Variants in BTBD9 observed in about 807,000 individuals in gnomAD.
BTBD9 encodes BTB/POZ domain-containing protein 9.
Under a neutral mutation model 64.3 loss-of-function variants are expected in BTBD9, and 49 were observed. That is an observed-to-expected ratio of 0.76 (90% CI 0.61 to 0.97). The LOEUF (loss-of-function observed/expected upper bound fraction) is 0.97. Ranked by LOEUF, BTBD9 falls within the 50% of genes least tolerant of loss-of-function variation. The pLI is 0.00. For synonymous variants in BTBD9, 260 were observed against 274.7 expected, an observed-to-expected ratio of 0.95 and a Z score of 0.53; for missense variants, 598 against 762.1, an observed-to-expected ratio of 0.78 and a Z score of 2.53.
chr6:38,170,610 C>G lies in BTBD9; in HGVS notation c.*4375G>C, dbSNP rs921787883. Reference sequence around the variant, plus strand: ...GTCAGCGAGAGAGATGGGGGCATTCCAGTTGTCCTGCATGCCATTTAAACC... The same window carrying G: ...GTCAGCGAGAGAGATGGGGGCATTCGAGTTGTCCTGCATGCCATTTAAACC... On this transcript the variant is annotated 3_prime_UTR_variant, in exon 11 of 11. Coordinates refer to ENST00000481247, the MANE Select transcript of BTBD9 (RefSeq NM_001099272.2). 6.6e-6 allele frequency: 1 copy of G among 152,252 alleles called. No homozygotes were observed. Among genetic ancestry groups the G allele is most frequent in the Non-Finnish European group, 1.5e-5 (1 of 68,054 alleles). 9.4% of individuals were successfully genotyped at this position (152,252 alleles called of 1,614,324 possible). A position where few individuals can be genotyped will look rare whatever the true frequency, so the allele number is the denominator to read the frequency against.
At chr6:38,265,500 CTTTTTTT>C (rs369951977) in intron 8 of BTBD9, among the ~76,000 whole-genome samples, 11,445 of 133,924 alleles carry the variant, frequency 0.085, 492 homozygotes, top group African/African-American at 0.12. Context: ...AACTACCAAT[CTTTTTTT>C]TTTTTTTTTT....
intron 7 of BTBD9, among the ~76,000 whole-genome samples, chr6:38,305,003 T>TA (rs1762575129): frequency 6.6e-6 from 1 of 151,982 alleles, no homozygotes; most frequent in Non-Finnish European, 1.5e-5. Flanking sequence ...TGCAGCTGTA[T>TA]TCCCACCGCC....
chr6:38,199,002 G>A (rs1460225123), intron 9 of BTBD9, among the ~76,000 whole-genome samples: 1 of 152,132 alleles, frequency 6.6e-6, no homozygotes, highest in South Asian at 2.1e-4. Context: ...AGGTGTGCAG[G>A]GGGCTGAACC....
chr6:38,288,100 C>T (rs1171844988), intron 8 of BTBD9, among the ~76,000 whole-genome samples, 172 bp downstream of exon 8: 4 of 152,132 alleles, frequency 2.6e-5, no homozygotes, highest in African/African-American at 9.7e-5. Context: ...CAAACAAGCA[C>T]GCTATATCTC....
Position 38,184,593 on chromosome 6 carries a change from G to A in BTBD9, c.1641+7926C>T, listed in dbSNP as rs1174172859. Among the ~76,000 whole-genome samples, 7 of 152,080 alleles carry A rather than the reference G, an allele frequency of 4.6e-5. No individual in the cohort carries two copies. The highest frequency in any genetic ancestry group is 1.0e-4 in the Non-Finnish European group (7 of 68,004). On this transcript the variant is annotated intron_variant, in intron 10 of 10. Coordinates refer to ENST00000481247, the MANE Select transcript of BTBD9 (RefSeq NM_001099272.2). This position sits in a 1 kb window ranked among gnomAD's most constrained non-coding sequence, Gnocchi z 4.4. ...CAGAGCACAGAGAGCGCCCACTGGGGGTTCTGGCCCTGGGGCCAGCATGTG... is the reference window on the plus strand; with the variant it reads ...CAGAGCACAGAGAGCGCCCACTGGGAGTTCTGGCCCTGGGGCCAGCATGTG...
intron 6 of BTBD9, among the ~76,000 whole-genome samples, chr6:38,429,481 A>G (rs1475411387): frequency 6.6e-6 from 1 of 151,346 alleles, no homozygotes; most frequent in Non-Finnish European, 1.5e-5. Flanking sequence ...AGAAAGAAAA[A>G]CGGATTTGAA....
Position 38,556,609 on chromosome 6 carries a change from A to G in BTBD9, c.1154+20991T>C, listed in dbSNP as rs1390225557. Among the ~76,000 whole-genome samples, 25 of 151,660 alleles carry G rather than the reference A, an allele frequency of 1.6e-4. No homozygotes were observed. The Admixed American group carries it at 1.6e-3, about 10-fold the overall frequency. ...ACCCAGGAGTAAAAGTTATTACTTC[A>G]GAATCCAAAGTCCAAAATAAAACAT... is the stretch of plus-strand genomic sequence containing the variant. On this transcript the variant is annotated intron_variant, in intron 6 of 10. Coordinates refer to ENST00000481247, the MANE Select transcript of BTBD9 (RefSeq NM_001099272.2).
At chr6:38,558,219 C>G (rs1775110811) in intron 6 of BTBD9, among the ~76,000 whole-genome samples, 1 of 151,544 alleles carries the variant, frequency 6.6e-6, no homozygotes, top group Admixed American at 6.6e-5. Flanking sequence ...GATTTTGCCA[C>G]TGCATTCCAG....
rs1778590794 is a variant in BTBD9 at position 38,638,117 on chromosome 6, T to A, written c.-28+1683A>T. ...TTATTTCCTAACAAATTTTAACTTC[T>A]TTCAGAGACCAAGTCAAATCTTGCC... On this transcript the variant is annotated intron_variant, in intron 1 of 10. Transcript: ENST00000481247. Among the ~76,000 whole-genome samples, 3 of 152,330 alleles carry A rather than the reference T, an allele frequency of 2.0e-5. No homozygotes were observed. In the South Asian group the frequency reaches 6.2e-4, roughly 32 times the overall value.
At chr6:38,395,931 G>T (rs1305659182) in intron 6 of BTBD9, among the ~76,000 whole-genome samples, 7 of 152,048 alleles carry the variant, frequency 4.6e-5, no homozygotes, top group African/African-American at 1.7e-4. Context: ...GGATGGTCTC[G>T]ATCTCCTGAC....
chr6:38,584,510 T>C (rs1249553051), intron 4 of BTBD9, among the ~76,000 whole-genome samples: 1 of 152,206 alleles, frequency 6.6e-6, no homozygotes, highest in Admixed American at 6.5e-5. Flanking sequence ...TGCCAAAATC[T>C]GAGAGGAGTG....
intron 10 of BTBD9, among the ~76,000 whole-genome samples, chr6:38,188,481 C>T (rs991112631): frequency 6.6e-6 from 1 of 152,258 alleles, no homozygotes; most frequent in Admixed American, 6.5e-5. Flanking sequence ...TTCGGCAAAG[C>T]GTGTGTTCAC....
At chr6:38,396,983 C>T (rs1766710627) in intron 6 of BTBD9, among the ~76,000 whole-genome samples, 1 of 148,316 alleles carries the variant, frequency 6.7e-6, no homozygotes, top group Admixed American at 6.8e-5. Flanking sequence ...CTCACTGCAA[C>T]CTCTGCCTCC....
intron 6 of BTBD9, among the ~76,000 whole-genome samples, chr6:38,529,087 C>T (rs1582583117): frequency 6.6e-6 from 1 of 152,056 alleles, no homozygotes; most frequent in South Asian, 2.1e-4. Context: ...GGACTGGCAG[C>T]ATTCACTACA....
chr6:38,202,831 G>A (rs1007794743), intron 9 of BTBD9, among the ~76,000 whole-genome samples: 2 of 152,160 alleles, frequency 1.3e-5, no homozygotes, highest in Non-Finnish European at 2.9e-5. Flanking sequence ...AACCAGTTCA[G>A]GATATTGGTC....
intron 6 of BTBD9, among the ~76,000 whole-genome samples, chr6:38,412,728 G>A (rs1322889357): frequency 2.6e-5 from 4 of 152,056 alleles, no homozygotes; most frequent in Non-Finnish European, 5.9e-5. Context: ...ATGTGATGGC[G>A]TGTGCCTATA....
intron 1 of BTBD9, among the ~76,000 whole-genome samples, chr6:38,627,098 T>G (rs1778194727): frequency 6.6e-6 from 1 of 152,190 alleles, no homozygotes; most frequent in South Asian, 2.1e-4. Flanking sequence ...TTATTACCAC[T>G]TTAAAGCAGC....
At chr6:38,215,849 G>A (rs1185241462) in intron 9 of BTBD9, among the ~76,000 whole-genome samples, 2 of 152,064 alleles carry the variant, frequency 1.3e-5, no homozygotes, top group Non-Finnish European at 1.5e-5. Context: ...TCCATACTGC[G>A]GAGGCTTTAG....
At chr6:38,274,234 C>T (rs1765295945) in intron 8 of BTBD9, among the ~76,000 whole-genome samples, 1 of 152,160 alleles carries the variant, frequency 6.6e-6, no homozygotes, top group Non-Finnish European at 1.5e-5. Flanking sequence ...GATTTTGTAT[C>T]CTAAGACTTT....
Sources: gnomAD v4.1 joint callset for allele counts (sites outside exome capture counted in the v4.1 genomes callset) on GRCh38, gnomAD v4.1.1 for gene constraint, Gnocchi (gnomAD v3.1) non-coding constraint, MANE v1.5 for transcripts, NCBI Gene and HGNC (gene_info 2026-07-23, HGNC 2026-07-21) for gene names.